FRMD7: variants seen among roughly 807,000 people sequenced by gnomAD.
FRMD7 encodes FERM domain-containing protein 7.
FRMD7 carries 14 observed loss-of-function variants against 44.1 expected under a neutral mutation model. The observed-to-expected ratio is 0.32, with a 90% CI of 0.21 to 0.50. FRMD7 has a LOEUF of 0.50. Ranked by LOEUF, FRMD7 falls within the 20% of genes least tolerant of loss-of-function variation. The pLI is 0.99. For missense variants in FRMD7, 501 were observed against 522.3 expected, an observed-to-expected ratio of 0.96 and a Z score of 0.40; for synonymous variants, 212 against 187.4, an observed-to-expected ratio of 1.13 and a Z score of -1.07.
chrX:132,092,229 G>A (rs1928198603), intron 5 of FRMD7, among the ~76,000 whole-genome samples: 1 of 112,102 alleles, frequency 8.9e-6, no homozygotes, highest in African/African-American at 3.2e-5. Context: ...GTGTTTGGGA[G>A]GGAGTGTCTG....
At chrX:132,096,256 C>T (rs1343983030) in intron 4 of FRMD7, among the ~76,000 whole-genome samples, 2 of 111,336 alleles carry the variant, frequency 1.8e-5, no homozygotes, top group Non-Finnish European at 3.8e-5. Flanking sequence ...ATAAAAGGGG[C>T]AAAGATTGAA....
intron 1 of FRMD7, among the ~76,000 whole-genome samples, chrX:132,113,888 AT>A (rs200478978): frequency 4.5e-4 from 49 of 108,378 alleles, no homozygotes; most frequent in Admixed American, 7.9e-4. Flanking sequence ...TCATTCTTCT[AT>A]TTTTTTTTCT....
Position 132,078,664 on chromosome X carries a change from C to T in FRMD7, c.1353G>A (p.Lys451=), listed in dbSNP as rs1345099172. 2 of 1,211,857 alleles carry T rather than the reference C, an allele frequency of 1.7e-6. No homozygotes were observed. Among genetic ancestry groups the T allele is most frequent in the Admixed American group, 4.3e-5 (2 of 46,038 alleles). Reference sequence around the variant, plus strand: ...ATATGCTCATGTGATTACCAGAAAACTTACAGCTTGTTTGGAAGGAGCTTA... The same window carrying T: ...ATATGCTCATGTGATTACCAGAAAATTTACAGCTTGTTTGGAAGGAGCTTA... ...SSLSSFQTSC[K]FSGNHMSIYS... Residue 451 remains lysine, a synonymous_variant, in exon 12 of 12, where the codon AAG becomes AAA. Transcript: ENST00000298542.
chrX:132,079,059 A>G, intron 11 of FRMD7, 93 bp from the exon 12 acceptor site: 2 of 733,399 alleles, frequency 2.7e-6, no homozygotes, highest in Non-Finnish European at 4.3e-6. Context: ...TTTGAAAGGT[A>G]GTTTTTCATA....
Position 132,078,402 on chromosome X carries a change from T to C in FRMD7, c.1615A>G (p.Arg539Gly). ...AGGTCTTGCTGAAAGCTCTTCATTC[T>C]GATATTCCTTGGGCTTCTTTCAGCT... Reference protein sequence around the residue: ...KPAERSPRNIRMKSFQQDLQV... With the variant: ...KPAERSPRNIGMKSFQQDLQV... The change falls in exon 12 of 12, where the codon AGA becomes GGA. Residue 539 changes from arginine to glycine, a missense_variant. Arg to Gly is a moderately radical substitution (Grantham distance 125, BLOSUM62 -2). This residue lies in a region of FRMD7 where 453 missense variants were observed against 452.7 expected (regional missense o/e 1.00). Transcript: ENST00000298542. 1.7e-6 allele frequency: 2 copies of C among 1,211,597 alleles called. No homozygotes were observed. Among genetic ancestry groups the C allele is most frequent in the Non-Finnish European group, 2.2e-6 (2 of 895,235 alleles).
intron 5 of FRMD7, among the ~76,000 whole-genome samples, chrX:132,090,973 A>G (rs1437622230): frequency 9.0e-6 from 1 of 110,840 alleles, no homozygotes; most frequent in African/African-American, 3.3e-5. Context: ...GGTCCAAACT[A>G]CCATGGTCTC....
At position 132,100,734 on chromosome X, in the gene FRMD7, A is replaced by G; in HGVS notation, c.58-18T>C. On this transcript the variant is annotated intron_variant, in intron 1 of 11. Transcript: ENST00000298542. ...GACTTTTGCTAAACAAAACAAAAAGATGATAGCACAATTTGCATTCCTAAC... is the reference window on the plus strand; with the variant it reads ...GACTTTTGCTAAACAAAACAAAAAGGTGATAGCACAATTTGCATTCCTAAC... 2 of 1,090,305 alleles carry G rather than the reference A, an allele frequency of 1.8e-6. No homozygotes were observed. The highest frequency in any genetic ancestry group is 2.5e-6 in the Non-Finnish European group (2 of 785,860). The allele number at this position is 1,090,305 out of a possible 1,213,427, so 89.9% of individuals were successfully genotyped here. A position where few individuals can be genotyped will look rare whatever the true frequency, so the allele number is the denominator to read the frequency against.
chrX:132,127,640 A>G (rs1929188173), intron 1 of FRMD7, 148 bp downstream of exon 1: 3 of 529,618 alleles, frequency 5.7e-6, no homozygotes, highest in Admixed American at 2.5e-5. Flanking sequence ...GTGATGTTAA[A>G]TACAGATTAT....
Position 132,077,069 on chromosome X carries a change from A to G in FRMD7, c.*803T>C, listed in dbSNP as rs1009718139. Reference sequence around the variant, plus strand: ...AACATTCATTTCCTGGCCTGCATACATGCAAGAAGCTATGACAAAAAATAA... The same window carrying G: ...AACATTCATTTCCTGGCCTGCATACGTGCAAGAAGCTATGACAAAAAATAA... On this transcript the variant is annotated 3_prime_UTR_variant, in exon 12 of 12. Transcript: ENST00000298542. 8.9e-6 allele frequency: 1 copy of G among 112,320 alleles called. No homozygotes were observed. The highest frequency in any genetic ancestry group is 3.2e-5 in the African/African-American group (1 of 30,916). 9.3% of individuals were successfully genotyped at this position (112,320 alleles called of 1,213,427 possible).
chrX:132,078,854 G>C lies in FRMD7; in HGVS notation c.1163C>G (p.Thr388Arg), dbSNP rs185946711. Residue 388 changes from threonine to arginine, a missense_variant, in exon 12 of 12, where the codon ACA (threonine) becomes AGA (arginine). This residue lies in a region of FRMD7 where 453 missense variants were observed against 452.7 expected (regional missense o/e 1.00). Transcript: ENST00000298542. Reference protein sequence around the residue: ...SRRRNSALEVTFATELEHSKP... With the variant: ...SRRRNSALEVRFATELEHSKP... ...GGAATGCTCCAGCTCAGTTGCAAATGTCACCTCCAATGCAGAATTCCTCCT... is the reference window on the plus strand; with the variant it reads ...GGAATGCTCCAGCTCAGTTGCAAATCTCACCTCCAATGCAGAATTCCTCCT... 2 of 1,204,864 alleles carry C rather than the reference G, an allele frequency of 1.7e-6. No individual in the cohort carries two copies. Among genetic ancestry groups the C allele is most frequent in the Non-Finnish European group, 2.2e-6 (2 of 890,961 alleles).
intron 3 of FRMD7, among the ~76,000 whole-genome samples, chrX:132,098,901 A>G (rs1311927131): frequency 8.9e-6 from 1 of 111,904 alleles, no homozygotes; most frequent in Non-Finnish European, 1.9e-5. Flanking sequence ...CCTGCCTCAG[A>G]AACATCTGTG....
At chrX:132,087,370 A>G (rs1928025961) in intron 5 of FRMD7, among the ~76,000 whole-genome samples, 1 of 111,471 alleles carries the variant, frequency 9.0e-6, no homozygotes, top group South Asian at 3.8e-4. Flanking sequence ...ACAATAGGAT[A>G]CCTATTTTGA....
intron 2 of FRMD7, among the ~76,000 whole-genome samples, chrX:132,100,115 T>C (rs1928455829): frequency 9.1e-6 from 1 of 109,447 alleles, no homozygotes; most frequent in African/African-American, 3.3e-5. Flanking sequence ...GGTAAAAGAG[T>C]TTGTGTTTGG....
In FRMD7 at chrX:132,082,460, T is replaced by C; in HGVS notation, c.808A>G (p.Thr270Ala). 1 of 1,209,101 alleles carries C rather than the reference T, an allele frequency of 8.3e-7. No homozygotes were observed. The highest frequency in any genetic ancestry group is 1.1e-6 in the Non-Finnish European group (1 of 892,848). ...SRDACKAFWK[T>A]CVEYHAFFRL... ...AAGAAAGCATGGTATTCCACACAAGTCTTCCAGAAAGCCTTGCAGGCATCT... is the reference window on the plus strand; with the variant it reads ...AAGAAAGCATGGTATTCCACACAAGCCTTCCAGAAAGCCTTGCAGGCATCT... The change falls in exon 9 of 12, where the codon ACT becomes GCT. Residue 270 changes from threonine (T) to alanine (A), a missense_variant. Around this residue, in one of 3 missense-constraint regions of FRMD7, gnomAD observed 453 missense variants for 452.7 expected, o/e 1.00. Transcript: ENST00000298542.
intron 10 of FRMD7, 58 bp from the exon 11 acceptor site, chrX:132,080,139 A>G: frequency 8.9e-7 from 1 of 1,127,302 alleles, no homozygotes; most frequent in Non-Finnish European, 1.2e-6. Context: ...ACCAGGATAC[A>G]TAGAAATCTC....
chrX:132,120,364 A>G (rs987847925), intron 1 of FRMD7, among the ~76,000 whole-genome samples: 1 of 112,454 alleles, frequency 8.9e-6, no homozygotes, highest in Non-Finnish European at 1.9e-5. Context: ...CAGTGAACCA[A>G]CTTCTGCTAC....
intron 2 of FRMD7, 149 bp downstream of exon 2, chrX:132,100,463 C>T: frequency 2.1e-6 from 1 of 486,271 alleles, no homozygotes; most frequent in East Asian, 3.6e-5. Flanking sequence ...AGAGGGAGGA[C>T]AAAAACTAGT....
At chrX:132,103,590 C>A (rs1321425147) in intron 1 of FRMD7, among the ~76,000 whole-genome samples, 1 of 111,241 alleles carries the variant, frequency 9.0e-6, no homozygotes, top group Non-Finnish European at 1.9e-5. Context: ...TTTATTGGGT[C>A]ATAACAATTG....
chrX:132,121,096 A>G lies in FRMD7; in HGVS notation c.57+6692T>C, dbSNP rs541908583. 7.2e-5 allele frequency among the ~76,000 whole-genome samples: 8 copies of G among 111,400 alleles called. No individual in the cohort carries two copies. In the South Asian group the frequency reaches 3.0e-3, roughly 42 times the overall value. On this transcript the variant is annotated intron_variant, in intron 1 of 11. Coordinates refer to ENST00000298542, the MANE Select transcript of FRMD7 (RefSeq NM_194277.3). ...CTATCAACAAACATCGATTGATCCC[A>G]CCTAGCATGGGGCAGGCTGTTTAGG... is the stretch of plus-strand genomic sequence containing the variant.
Sources: allele counts gnomAD v4.1 joint callset (sites outside exome capture counted in the v4.1 genomes callset), GRCh38; gene constraint gnomAD v4.1.1; regional missense constraint gnomAD v4.1.1; transcripts MANE v1.5; gene names NCBI Gene and HGNC (gene_info 2026-07-23, HGNC 2026-07-21).